The following CACTIN variants were observed in gnomAD, a reference collection of about 807,000 sequenced individuals.
CACTIN encodes splicing factor Cactin.
In CACTIN, 20 loss-of-function variants were observed where a neutral mutation model predicts 84.9. The ratio of observed to expected loss-of-function variants is 0.24; its 90% CI spans 0.17 to 0.34. The LOEUF (loss-of-function observed/expected upper bound fraction) is 0.34. Ranked by LOEUF, CACTIN falls within the 10% of genes least tolerant of loss-of-function variation. The pLI is 1.00. For missense variants in CACTIN, 897 were observed against 1,117.2 expected, an observed-to-expected ratio of 0.80 and a Z score of 2.81; for synonymous variants, 549 against 467.9, an observed-to-expected ratio of 1.17 and a Z score of -2.24.
chr19:3,611,242 A>G lies in CACTIN; in HGVS notation c.*681T>C. On this transcript the variant is annotated 3_prime_UTR_variant, in exon 10 of 10. Transcript: ENST00000429344. ...CATCCTCCATACCCGCTGCGGGGAA[A>G]TGGACCCCACCAGCCAGCACGGGGT... 2.3e-6 allele frequency: 1 copy of G among 442,334 alleles called. No homozygotes were observed. Among genetic ancestry groups the G allele is most frequent in the South Asian group, 1.6e-5 (1 of 62,856 alleles). The allele number at this position is 442,334 out of a possible 1,614,324, so 27.4% of individuals were successfully genotyped here.
chr19:3,622,300 G>A (rs776784988), intron 2 of CACTIN, among the ~76,000 whole-genome samples: 1 of 143,136 alleles, frequency 7.0e-6, no homozygotes, highest in Non-Finnish European at 1.5e-5. Flanking sequence ...GGAAGCGGAG[G>A]TTGCAGTGAG....
Position 3,614,596 on chromosome 19 carries a change from C to G in CACTIN, c.1163-7G>C. 6.3e-7 allele frequency: 1 copy of G among 1,593,150 alleles called. No individual in the cohort carries two copies. The highest frequency in any genetic ancestry group is 2.3e-5 in the East Asian group (1 of 43,822). Reference sequence around the variant, plus strand: ...ACCCCCTCGCGGCGCTCACCTGCAGCGGGGTGGGGGCATGGGGGGGCGGTT... The same window carrying G: ...ACCCCCTCGCGGCGCTCACCTGCAGGGGGGTGGGGGCATGGGGGGGCGGTT... On this transcript the variant is annotated splice_polypyrimidine_tract_variant and splice_region_variant and intron_variant, in intron 6 of 9. Coordinates refer to ENST00000429344, the MANE Select transcript of CACTIN (RefSeq NM_001080543.2).
Position 3,620,866 on chromosome 19 carries a change from C to T in CACTIN, c.643-64G>A, listed in dbSNP as rs770985148. On this transcript the variant is annotated intron_variant, in intron 2 of 9. Transcript: ENST00000429344. ...GCCCCCTCGCCCCCCTCCTCAGCTC[C>T]TTCGTCCAAGAGATTGACCAGGGCC... is the stretch of plus-strand genomic sequence containing the variant. The T allele has an allele frequency of 6.5e-5, 87 of 1,330,912 alleles. No homozygotes were observed. In the South Asian group the frequency reaches 9.7e-4, roughly 15 times the overall value. 82.4% of individuals were successfully genotyped at this position (1,330,912 alleles called of 1,614,324 possible). A position where few individuals can be genotyped will look rare whatever the true frequency, so the allele number is the denominator to read the frequency against.
chr19:3,617,152 G>A (rs978215258), intron 6 of CACTIN, among the ~76,000 whole-genome samples: 5 of 150,980 alleles, frequency 3.3e-5, no homozygotes, highest in African/African-American at 9.8e-5. Flanking sequence ...GATGGTGAGC[G>A]CCTGTAGTCC....
Position 3,626,641 on chromosome 19 carries a change from T to C in CACTIN, c.122A>G (p.Glu41Gly). 6.5e-7 allele frequency: 1 copy of C among 1,536,284 alleles called. No individual in the cohort carries two copies. The highest frequency in any genetic ancestry group is 1.4e-5 in the African/African-American group (1 of 70,464). The change falls in exon 1 of 10, where the codon GAG (glutamate) becomes GGG (glycine). Residue 41 changes from glutamate (E) to glycine (G), a missense_variant. Coordinates refer to ENST00000429344, the MANE Select transcript of CACTIN (RefSeq NM_001080543.2). The part of the protein sequence containing the change: ...SHGRRNRRRR[E>G]DEGRRRRRRR... ...CCTCCGTCTGCGCCGTCCCTCGTCC[T>C]CCCGGCGCCGTCGGTTTCGCCGCCC... is the stretch of plus-strand genomic sequence containing the variant.
intron 6 of CACTIN, among the ~76,000 whole-genome samples, chr19:3,617,076 G>A (rs1301239801): frequency 2.6e-5 from 4 of 151,782 alleles, no homozygotes; most frequent in Non-Finnish European, 5.9e-5. Context: ...AGCAGAGATC[G>A]CACCACTGCA....
rs200257397 is a variant in CACTIN at position 3,620,300 on chromosome 19, G to A, written c.739-28C>T. 141 of 1,545,234 alleles carry A rather than the reference G, an allele frequency of 9.1e-5. No individual in the cohort carries two copies. The Admixed American group carries it at 1.5e-3, about 17-fold the overall frequency. On this transcript the variant is annotated intron_variant, in intron 3 of 9. Transcript: ENST00000429344. Reference sequence around the variant, plus strand: ...GCAGGCACAGGAGGCTGAGGGCAGCGGGGACCGTGCGGTCTGCAGGGCTGC... The same window carrying A: ...GCAGGCACAGGAGGCTGAGGGCAGCAGGGACCGTGCGGTCTGCAGGGCTGC...
rs755389422 is a variant in CACTIN at position 3,620,299 on chromosome 19, CG to C, written c.739-28del. The C allele has an allele frequency of 1.3e-5, 20 of 1,545,518 alleles. No homozygotes were observed. The African/African-American group carries it at 2.6e-4, about 20-fold the overall frequency. On this transcript the variant is annotated intron_variant, in intron 3 of 9. Coordinates refer to ENST00000429344, the MANE Select transcript of CACTIN (RefSeq NM_001080543.2). ...TGCAGGCACAGGAGGCTGAGGGCAG[CG>C]GGGACCGTGCGGTCTGCAGGGCTGC...
In CACTIN at chr19:3,610,849, C is replaced by T. The variant is rs746515366; in HGVS notation, c.*1074G>A. ...GAGGTTGGGTGGCCCTCTGGGGGTC[C>T]GGGAGGCACTTTCCGTTTTGCTTCT... On this transcript the variant is annotated 3_prime_UTR_variant, in exon 10 of 10. Coordinates refer to ENST00000429344, the MANE Select transcript of CACTIN (RefSeq NM_001080543.2). The T allele has an allele frequency of 1.8e-5, 8 of 456,692 alleles. No individual in the cohort carries two copies. In the East Asian group the frequency reaches 4.2e-4, roughly 24 times the overall value. 28.3% of individuals were successfully genotyped at this position (456,692 alleles called of 1,614,324 possible). A position where few individuals can be genotyped will look rare whatever the true frequency, so the allele number is the denominator to read the frequency against.
At chr19:3,620,356 G>T in intron 3 of CACTIN, 84 bp from the exon 4 acceptor site, 1 of 1,413,838 alleles carries the variant, frequency 7.1e-7, no homozygotes, top group Non-Finnish European at 9.7e-7. Flanking sequence ...TGGGGGCCCA[G>T]CCTTCACCCA....
intron 2 of CACTIN, chr19:3,621,066 G>A (rs954223669): frequency 2.3e-5 from 13 of 564,498 alleles, no homozygotes; most frequent in African/African-American, 5.6e-5. Context: ...GGCCTCACTC[G>A]GGGCCGCCCC....
rs372527245 is a variant in CACTIN, at chr19:3,611,117, G to A, written c.*806C>T. On this transcript the variant is annotated 3_prime_UTR_variant, in exon 10 of 10. Coordinates refer to ENST00000429344, the MANE Select transcript of CACTIN (RefSeq NM_001080543.2). ...CACCCTTCTCCAACCCCCAGCCTTC[G>A]GGGAGCCCCTGCCCTCCAGGCCCTG... 41 of 382,406 alleles carry A rather than the reference G, an allele frequency of 1.1e-4. No homozygotes were observed. Among genetic ancestry groups the A allele is most frequent in the South Asian group, 6.8e-4 (35 of 51,800 alleles). The allele number at this position is 382,406 out of a possible 1,614,324, so 23.7% of individuals were successfully genotyped here.
chr19:3,613,424 G>A (rs2074790), intron 8 of CACTIN, 40 bp downstream of exon 8: 846,552 of 1,546,356 alleles, frequency 0.55, 235,733 homozygotes, highest in Admixed American at 0.63. Context: ...ATCCTGCTCC[G>A]CGTCTGCATC....
Position 3,623,622 on chromosome 19 carries a change from G to A in CACTIN, c.642+66C>T, listed in dbSNP as rs913075697. On this transcript the variant is annotated intron_variant, in intron 2 of 9. Transcript: ENST00000429344. ...CAAGGGCAGGCTGGGAGTGTCTCAA[G>A]TGTTGGGGTCTCCAGAAACAGTGGA... is the stretch of plus-strand genomic sequence containing the variant. The A allele has an allele frequency of 2.3e-5, 32 of 1,403,378 alleles. No individual in the cohort carries two copies. The South Asian group carries it at 3.2e-4, about 14-fold the overall frequency. The allele number at this position is 1,403,378 out of a possible 1,614,324, so 86.9% of individuals were successfully genotyped here.
Position 3,624,009 on chromosome 19 carries a change from G to T in CACTIN, c.321C>A (p.Arg107=). ...ATGCTGAGGAGCTAGGAGACCACGAGCGTGCGCGCCGTCGCCGGCGAGCCC... is the reference window on the plus strand; with the variant it reads ...ATGCTGAGGAGCTAGGAGACCACGATCGTGCGCGCCGTCGCCGGCGAGCCC... ...GQWARRRRRA[R]SWSPSSSASS... The change falls in exon 2 of 10, where the codon CGC becomes CGA. Residue 107 remains arginine (R), a synonymous_variant. Coordinates refer to ENST00000429344, the MANE Select transcript of CACTIN (RefSeq NM_001080543.2). 1 of 1,605,660 alleles carries T rather than the reference G, an allele frequency of 6.2e-7. No homozygotes were observed.
rs1044912015 is a variant in CACTIN, at chr19:3,615,654, G to A, written c.1163-1065C>T. The A allele has an allele frequency of 6.6e-6, 1 of 152,284 alleles. No individual in the cohort carries two copies. Among genetic ancestry groups the A allele is most frequent in the African/African-American group, 2.4e-5 (1 of 41,428 alleles). The allele number at this position is 152,284 out of a possible 1,614,324, so 9.4% of individuals were successfully genotyped here. A position where few individuals can be genotyped will look rare whatever the true frequency, so the allele number is the denominator to read the frequency against. ...TTCCCTGTGCCATGCTGGGCCCACA[G>A]GGAGCTTGGTGCATAGCTGCTGGTG... On this transcript the variant is annotated intron_variant, in intron 6 of 9. Coordinates refer to ENST00000429344, the MANE Select transcript of CACTIN (RefSeq NM_001080543.2). The surrounding 1 kb of genome is among the most constrained non-coding windows in gnomAD (Gnocchi z 5.2).
rs2033173294 is a variant in CACTIN at position 3,619,307 on chromosome 19, C to A, written c.885-65G>T. The A allele has an allele frequency of 1.1e-5, 17 of 1,554,906 alleles. No individual in the cohort carries two copies. In the South Asian group the frequency reaches 1.7e-4, roughly 16 times the overall value. ...GTGCCCTCCATGCTAAAGACCCTGC[C>A]CTTGGGGTGACCACACCAGTGGGAG... On this transcript the variant is annotated intron_variant, in intron 4 of 9. Coordinates refer to ENST00000429344, the MANE Select transcript of CACTIN (RefSeq NM_001080543.2).
chr19:3,626,618 T>C lies in CACTIN; in HGVS notation c.145A>G (p.Arg49Gly). Residue 49 changes from arginine (R) to glycine (G), a missense_variant, in exon 1 of 10, where the codon AGG becomes GGG. By Grantham distance (125) the Arg-to-Gly change is moderately radical. Coordinates refer to ENST00000429344, the MANE Select transcript of CACTIN (RefSeq NM_001080543.2). ...RREDEGRRRRRRRSRERRSDS... is the reference protein window; with the variant it reads ...RREDEGRRRRGRRSRERRSDS... Reference sequence around the variant, plus strand: ...CACCTGCGCTCCCGGCTCCGCCGCCTCCGTCTGCGCCGTCCCTCGTCCTCC... The same window carrying C: ...CACCTGCGCTCCCGGCTCCGCCGCCCCCGTCTGCGCCGTCCCTCGTCCTCC... 5 of 1,514,610 alleles carry C rather than the reference T, an allele frequency of 3.3e-6. No homozygotes were observed. The highest frequency in any genetic ancestry group is 4.4e-6 in the Non-Finnish European group (5 of 1,139,262). The allele number at this position is 1,514,610 out of a possible 1,614,324, so 93.8% of individuals were successfully genotyped here. A position where few individuals can be genotyped will look rare whatever the true frequency, so the allele number is the denominator to read the frequency against.
chr19:3,618,014 C>T (rs1031517331), intron 6 of CACTIN, among the ~76,000 whole-genome samples: 1 of 152,198 alleles, frequency 6.6e-6, no homozygotes, highest in Admixed American at 6.5e-5. Context: ...CTGGGATCCT[C>T]GGCCACCATG....
Sources: allele counts gnomAD v4.1 joint callset (sites outside exome capture counted in the v4.1 genomes callset), GRCh38; gene constraint gnomAD v4.1.1; non-coding constraint Gnocchi (gnomAD v3.1); transcripts MANE v1.5; gene names NCBI Gene and HGNC (gene_info 2026-07-23, HGNC 2026-07-21).